The following SGPP1 variants were observed in gnomAD, a reference collection of about 807,000 sequenced individuals.
The protein encoded by SGPP1 is hSPP1.
Under a neutral mutation model 33.0 loss-of-function variants are expected in SGPP1, and 21 were observed. The observed-to-expected ratio is 0.64, with a 90% CI of 0.45 to 0.92. SGPP1 has a LOEUF of 0.92. SGPP1 is among the 40% of genes least tolerant of loss of function. SGPP1 has a pLI of 0.00. For missense variants in SGPP1, 543 were observed against 589.4 expected (o/e 0.92, Z 0.81); for synonymous variants, 239 against 241.2 (o/e 0.99, Z 0.08).
At chr14:63,712,999 T>C (rs1595069778) in intron 1 of SGPP1, among the ~76,000 whole-genome samples, 1 of 151,500 alleles carries the variant, frequency 6.6e-6, no homozygotes, top group East Asian at 1.9e-4. Flanking sequence ...CAATCCACCA[T>C]TCTCAGCCTC....
intron 1 of SGPP1, among the ~76,000 whole-genome samples, chr14:63,711,881 T>C (rs1648575591): frequency 6.6e-6 from 1 of 151,860 alleles, no homozygotes; most frequent in Non-Finnish European, 1.5e-5. Flanking sequence ...AATATAAAAC[T>C]TAGCTAGGCG....
At chr14:63,713,032 C>G (rs937914469) in intron 1 of SGPP1, among the ~76,000 whole-genome samples, 1 of 152,020 alleles carries the variant, frequency 6.6e-6, no homozygotes, top group East Asian at 1.9e-4. Context: ...GATTACAGAC[C>G]TGCACCACTG....
chr14:63,717,501 T>A (rs1234573399), intron 1 of SGPP1, among the ~76,000 whole-genome samples: 2 of 152,052 alleles, frequency 1.3e-5, no homozygotes, highest in African/African-American at 2.4e-5. Context: ...TTTTTGCATT[T>A]TTAGTAGAGC....
chr14:63,709,675 T>C (rs1356695985), intron 1 of SGPP1, among the ~76,000 whole-genome samples: 10 of 152,152 alleles, frequency 6.6e-5, no homozygotes, highest in South Asian at 2.1e-4. Flanking sequence ...TTAGGTCTTA[T>C]AGAGTAGAAA....
In SGPP1 at chr14:63,685,885, T is replaced by C. The variant is rs1884961340; in HGVS notation, c.*220A>G. The stretch of plus-strand genomic sequence containing the variant: ...CCAAACATTACATGAACATTCTAAA[T>C]GGATACTTATCATTTTCTCAGTAAC... On this transcript the variant is annotated 3_prime_UTR_variant, in exon 3 of 3. Transcript: ENST00000247225. 1 of 320,140 alleles carries C rather than the reference T, an allele frequency of 3.1e-6. No homozygotes were observed. The highest frequency in any genetic ancestry group is 2.2e-5 in the African/African-American group (1 of 46,264). The allele number at this position is 320,140 out of a possible 1,614,324, so 19.8% of individuals were successfully genotyped here. A position where few individuals can be genotyped will look rare whatever the true frequency, so the allele number is the denominator to read the frequency against.
chr14:63,697,779 G>A (rs1885216003), intron 2 of SGPP1, among the ~76,000 whole-genome samples: 1 of 152,182 alleles, frequency 6.6e-6, no homozygotes, highest in Non-Finnish European at 1.5e-5. Context: ...CCAAGTAAAT[G>A]TTACAGCATT....
intron 1 of SGPP1, among the ~76,000 whole-genome samples, chr14:63,722,896 T>C (rs1885802495): frequency 6.7e-6 from 1 of 149,656 alleles, no homozygotes; most frequent in East Asian, 2.0e-4. Context: ...CACTTAAGCC[T>C]GGGAGGTCGA....
rs1172116026 is a variant in SGPP1, at chr14:63,727,282, G to A, written c.663C>T (p.Leu221=). Reference sequence around the variant, plus strand: ...CTACCTGCCAGCGGCCATAGGTGAGGAGGACCATAGAAATGGGGATGGCGG... The same window carrying A: ...CTACCTGCCAGCGGCCATAGGTGAGAAGGACCATAGAAATGGGGATGGCGG... The part of the protein sequence containing the change: ...SGTAIPISMV[L]LTYGRWQYPL... The change falls in exon 1 of 3, where the codon CTC becomes CTT. Residue 221 remains leucine, a synonymous_variant. Transcript: ENST00000247225. 1.1e-5 allele frequency: 18 copies of A among 1,613,008 alleles called. No homozygotes were observed. Among genetic ancestry groups the A allele is most frequent in the Middle Eastern group, 1.7e-4 (1 of 6,058 alleles).
chr14:63,711,158 C>T (rs148114796), intron 1 of SGPP1, among the ~76,000 whole-genome samples: 121 of 151,998 alleles, frequency 8.0e-4, no homozygotes, highest in African/African-American at 2.8e-3. Flanking sequence ...GGATTACAGG[C>T]GTCCACCACC....
chr14:63,718,030 G>A (rs1455076899), intron 1 of SGPP1, among the ~76,000 whole-genome samples: 2 of 152,158 alleles, frequency 1.3e-5, no homozygotes, highest in East Asian at 3.9e-4. Flanking sequence ...CAGATTACTT[G>A]AGGTTAGGAG....
intron 1 of SGPP1, among the ~76,000 whole-genome samples, chr14:63,716,373 A>T (rs1282744080): frequency 1.3e-5 from 2 of 152,052 alleles, no homozygotes; most frequent in Non-Finnish European, 2.9e-5. Context: ...GAGCGCCTGT[A>T]ATCCCAGGTA....
At chr14:63,707,335 T>C (rs1375267969) in intron 1 of SGPP1, among the ~76,000 whole-genome samples, 2 of 152,052 alleles carry the variant, frequency 1.3e-5, no homozygotes, top group East Asian at 3.8e-4. Flanking sequence ...AAACAGGATC[T>C]GTGTTCCAGT....
At chr14:63,726,201 T>A (rs1885875425) in intron 1 of SGPP1, among the ~76,000 whole-genome samples, 1 of 152,214 alleles carries the variant, frequency 6.6e-6, no homozygotes, top group Admixed American at 6.5e-5. Context: ...AATGGAGTTT[T>A]ACACAGAATG....
In SGPP1 at chr14:63,727,548, A is replaced by G. The variant is rs1357172349; in HGVS notation, c.397T>C (p.Cys133Arg). ...VSNWPLYCLFCFGTELGNELF... is the reference protein window; with the variant it reads ...VSNWPLYCLFRFGTELGNELF... ...TCGTTGCCCAGCTCCGTGCCGAAGC[A>G]GAACAGGCAGTAGAGCGGCCAGTTG... Residue 133 changes from cysteine to arginine, a missense_variant, in exon 1 of 3, where the codon TGC (cysteine) becomes CGC (arginine). Transcript: ENST00000247225. The G allele has an allele frequency of 1.9e-6, 3 of 1,613,272 alleles. No individual in the cohort carries two copies. The highest frequency in any genetic ancestry group is 8.5e-7 in the Non-Finnish European group (1 of 1,179,912).
chr14:63,702,049 G>C (rs906624408), intron 1 of SGPP1, among the ~76,000 whole-genome samples: 9 of 151,300 alleles, frequency 5.9e-5, no homozygotes, highest in Non-Finnish European at 1.3e-4. Flanking sequence ...ACTGATAAGA[G>C]TTCTTTATAC....
chr14:63,697,352 GAATGA>G (rs1465117724), intron 2 of SGPP1, among the ~76,000 whole-genome samples: 4 of 150,558 alleles, frequency 2.7e-5, no homozygotes, highest in African/African-American at 9.8e-5. Context: ...AGAAATAAGA[GAATGA>G]AATAATATGA....
At chr14:63,725,273 G>A (rs1382927075) in intron 1 of SGPP1, among the ~76,000 whole-genome samples, 3 of 152,110 alleles carry the variant, frequency 2.0e-5, no homozygotes, top group Admixed American at 2.0e-4. Flanking sequence ...TACTCGGGAG[G>A]CTGAGGCAGA....
intron 2 of SGPP1, among the ~76,000 whole-genome samples, chr14:63,695,117 C>A (rs112977364): frequency 6.6e-6 from 1 of 152,110 alleles, no homozygotes; most frequent in East Asian, 1.9e-4. Flanking sequence ...AGTGCAGTGG[C>A]GCGATCTCTG....
At chr14:63,718,999 T>TATAC (rs1566536639) in intron 1 of SGPP1, among the ~76,000 whole-genome samples, 3 of 24,452 alleles carry the variant, frequency 1.2e-4, no homozygotes, top group Non-Finnish European at 2.4e-4. Flanking sequence ...TATATATATA[T>TATAC]ATATATATAT....
Sources: allele counts gnomAD v4.1 joint callset (sites outside exome capture counted in the v4.1 genomes callset), GRCh38; gene constraint gnomAD v4.1.1; transcripts MANE v1.5; gene names NCBI Gene and HGNC (gene_info 2026-07-23, HGNC 2026-07-21).